Variants in FGGY observed in about 807,000 individuals in gnomAD.
FGGY encodes the protein FGGY carbohydrate kinase domain containing, also known as FGGY carbohydrate kinase domain-containing protein.
Under a neutral mutation model 71.3 loss-of-function variants are expected in FGGY, and 72 were observed. The ratio of observed to expected loss-of-function variants is 1.01; its 90% CI spans 0.84 to 1.23. The LOEUF (loss-of-function observed/expected upper bound fraction) is 1.23, where lower values mean the gene tolerates loss of function less well. Among genes scored for constraint, FGGY ranks in the 50% most tolerant of loss-of-function variants. The pLI, the probability that FGGY is intolerant of heterozygous loss-of-function variation, is 0.00. For synonymous variants in FGGY, 251 were observed against 250.3 expected, an observed-to-expected ratio of 1.00 and a Z score of -0.02; for missense variants, 668 against 682.3, an observed-to-expected ratio of 0.98 and a Z score of 0.23.
At chr1:59,298,059 T>C (rs1054680152) in intron 1 of FGGY, among the ~76,000 whole-genome samples, 4 of 152,252 alleles carry the variant, frequency 2.6e-5, no homozygotes, top group African/African-American at 7.2e-5. Flanking sequence ...GTCTTTTATT[T>C]TGTGGCTGTT....
At chr1:59,521,574 G>C (rs2094835581) in intron 7 of FGGY, among the ~76,000 whole-genome samples, 1 of 152,154 alleles carries the variant, frequency 6.6e-6, no homozygotes, top group South Asian at 2.1e-4. Context: ...CTCCTGTTTG[G>C]ATAATGAGTA....
chr1:59,362,097 C>T (rs1018040324), intron 4 of FGGY, among the ~76,000 whole-genome samples: 4 of 152,212 alleles, frequency 2.6e-5, no homozygotes, highest in African/African-American at 9.7e-5. Flanking sequence ...TTATTTCCCA[C>T]ACATTTTATT....
At chr1:59,593,586 G>GC (rs1241739932) in intron 8 of FGGY, among the ~76,000 whole-genome samples, 1 of 152,134 alleles carries the variant, frequency 6.6e-6, no homozygotes, top group Admixed American at 6.5e-5. Flanking sequence ...TCACACATAT[G>GC]CCAATCCAGC....
chr1:59,299,234 A>G (rs1434235591), intron 1 of FGGY, among the ~76,000 whole-genome samples: 1 of 152,224 alleles, frequency 6.6e-6, no homozygotes, highest in African/African-American at 2.4e-5. Flanking sequence ...GAACTACACA[A>G]GCATGGCACA....
In FGGY at chr1:59,337,048, C is replaced by CATATATATATAT. The variant is rs35698016; in HGVS notation, c.202-2901_202-2890dup. ...ATATATATATTTATATGTATATAGT[C>CATATATATATAT]ATATATATATATATATATATGAAAG... On this transcript the variant is annotated intron_variant, in intron 2 of 15. Coordinates refer to ENST00000303721, the MANE Select transcript of FGGY (RefSeq NM_018291.5). Among the ~76,000 whole-genome samples the CATATATATATAT allele has an allele frequency of 2.9e-3, 408 of 141,730 alleles. 1 individual carries two copies. Among genetic ancestry groups the CATATATATATAT allele is most frequent in the African/African-American group, 0.01 (382 of 37,714 alleles). 93.0% of individuals were successfully genotyped at this position (141,730 alleles called of 152,430 possible).
At chr1:59,653,865 C>T (rs1038723137) in intron 11 of FGGY, among the ~76,000 whole-genome samples, 8 of 152,208 alleles carry the variant, frequency 5.3e-5, no homozygotes, top group Non-Finnish European at 8.8e-5. Flanking sequence ...CTTCATCTCT[C>T]CTGTCTTCCT....
chr1:59,515,217 A>C (rs1244853858), intron 7 of FGGY, among the ~76,000 whole-genome samples: 1 of 152,120 alleles, frequency 6.6e-6, no homozygotes, highest in Non-Finnish European at 1.5e-5. Context: ...TGGAGCTTTA[A>C]AATTTGATTG....
chr1:59,512,278 T>C (rs369356815), intron 6 of FGGY, 33 bp from the exon 7 acceptor site: 1 of 1,570,094 alleles, frequency 6.4e-7, no homozygotes. Flanking sequence ...TTTTTCAAAC[T>C]GATGGTGTTT....
chr1:59,635,022 C>T lies in FGGY; in HGVS notation c.1074-3206C>T, dbSNP rs2096943410. Among the ~76,000 whole-genome samples, 3 of 152,214 alleles carry T rather than the reference C, an allele frequency of 2.0e-5. No individual in the cohort carries two copies. In the South Asian group the frequency reaches 6.2e-4, roughly 32 times the overall value. ...GTTCATGAGAGAGAGGGTGAGCGAT[C>T]CACTTGGGATCACAGTTAATATGTG... is the stretch of plus-strand genomic sequence containing the variant. On this transcript the variant is annotated intron_variant, in intron 10 of 15. Transcript: ENST00000303721.
At chr1:59,688,586 A>G (rs2097563820) in intron 14 of FGGY, among the ~76,000 whole-genome samples, 1 of 152,200 alleles carries the variant, frequency 6.6e-6, no homozygotes, top group African/African-American at 2.4e-5. Flanking sequence ...ACAGATGACA[A>G]AGCAGAATCA....
intron 8 of FGGY, among the ~76,000 whole-genome samples, chr1:59,603,034 A>G (rs1330376680): frequency 1.3e-5 from 2 of 152,192 alleles, no homozygotes; most frequent in Non-Finnish European, 1.5e-5. Flanking sequence ...TGAAGTTTTT[A>G]TAATGATATT....
intron 7 of FGGY, among the ~76,000 whole-genome samples, chr1:59,526,745 C>T (rs2094994121): frequency 6.6e-6 from 1 of 152,150 alleles, no homozygotes; most frequent in Non-Finnish European, 1.5e-5. Context: ...TTCAAATGTG[C>T]GAGAGGGGCA....
chr1:59,590,182 A>T (rs527460891), intron 8 of FGGY, among the ~76,000 whole-genome samples: 8 of 152,346 alleles, frequency 5.3e-5, no homozygotes, highest in Non-Finnish European at 4.4e-5. Context: ...AAACTAGAAA[A>T]TCTAGAAGAA....
intron 1 of FGGY, among the ~76,000 whole-genome samples, chr1:59,301,737 G>T (rs2042773951): frequency 9.0e-6 from 1 of 111,606 alleles, no homozygotes; most frequent in Non-Finnish European, 1.7e-5. Context: ...TTTTGAGATG[G>T]AGTTTCGCTC....
rs572539490 is a variant in FGGY, at chr1:59,442,910, T to G, written c.555-14051T>G. 3.3e-5 allele frequency among the ~76,000 whole-genome samples: 5 copies of G among 152,326 alleles called. No homozygotes were observed. In the South Asian group the frequency reaches 8.3e-4, roughly 25 times the overall value. ...ACCAAAATTGATAGAAAAAGAAGACTAGAATGATAAGATCTGCTAAATATT... is the reference window on the plus strand; with the variant it reads ...ACCAAAATTGATAGAAAAAGAAGACGAGAATGATAAGATCTGCTAAATATT... On this transcript the variant is annotated intron_variant, in intron 5 of 15. Coordinates refer to ENST00000303721, the MANE Select transcript of FGGY (RefSeq NM_018291.5).
At chr1:59,446,288 A>G (rs1557950354) in intron 5 of FGGY, among the ~76,000 whole-genome samples, 1 of 151,980 alleles carries the variant, frequency 6.6e-6, no homozygotes, top group Non-Finnish European at 1.5e-5. Context: ...GCATGGGAAA[A>G]TTCCCTCAAC....
chr1:59,709,884 G>C (rs1479103709), intron 14 of FGGY, among the ~76,000 whole-genome samples: 1 of 152,206 alleles, frequency 6.6e-6, no homozygotes, highest in African/African-American at 2.4e-5. Flanking sequence ...ACCCCTCTGT[G>C]TGTTGTCAGC....
At chr1:59,317,367 AAG>A (rs1206906509) in intron 1 of FGGY, among the ~76,000 whole-genome samples, 1 of 152,178 alleles carries the variant, frequency 6.6e-6, no homozygotes, top group Non-Finnish European at 1.5e-5. Context: ...AGGTATAATA[AAG>A]TGGTGATAGG....
chr1:59,422,848 T>C (rs1179851275), intron 5 of FGGY, among the ~76,000 whole-genome samples: 1 of 152,222 alleles, frequency 6.6e-6, no homozygotes, highest in Admixed American at 6.5e-5. Flanking sequence ...CCTACTATTA[T>C]AGTAAACTTG....
Sources: gnomAD v4.1 joint callset for allele counts (sites outside exome capture counted in the v4.1 genomes callset) on GRCh38, gnomAD v4.1.1 for gene constraint, MANE v1.5 for transcripts, NCBI Gene and HGNC (gene_info 2026-07-23, HGNC 2026-07-21) for gene names.